PLSCR5: variants seen among roughly 807,000 people sequenced by gnomAD.
PLSCR5 encodes phospholipid scramblase family, member 5.
A neutral mutation model predicts 33.6 loss-of-function variants in PLSCR5; 44 were observed. The ratio of observed to expected loss-of-function variants is 1.31; its 90% confidence interval spans 1.03 to 1.69. The LOEUF (loss-of-function observed/expected upper bound fraction) is 1.69. PLSCR5 is among the 40% of genes most tolerant of loss of function. The pLI is 0.00. For missense variants in PLSCR5, 375 were observed against 318.7 expected (o/e 1.18, Z -1.34); for synonymous variants, 148 against 112.3 (o/e 1.32, Z -2.01).
At chr3:146,581,875 G>A (rs1177600919), downstream of PLSCR5, among the ~76,000 whole-genome samples, 3 of 152,126 alleles carry the variant, frequency 2.0e-5, no homozygotes, top group Non-Finnish European at 2.9e-5. Context: ...CACATTTTTA[G>A]GAACATCCTT....
intron 6 of PLSCR5, among the ~76,000 whole-genome samples, chr3:146,586,904 G>A (rs1454967548): frequency 1.3e-5 from 2 of 152,070 alleles, no homozygotes; most frequent in Non-Finnish European, 2.9e-5. Context: ...GGTAATACAT[G>A]TAAGAAATAG....
At chr3:146,578,038 G>A (rs1000903388) in intron 7 of PLSCR5, among the ~76,000 whole-genome samples, 8 of 151,756 alleles carry the variant, frequency 5.3e-5, no homozygotes, top group Admixed American at 1.3e-4. Context: ...AACATTCAAT[G>A]TACTTAAGAA....
chr3:146,589,853 A>G (rs1203869992), intron 5 of PLSCR5, 39 bp from the exon 6 acceptor site: 5 of 1,370,926 alleles, frequency 3.6e-6, no homozygotes, highest in African/African-American at 1.5e-5. Flanking sequence ...TTTGACAGTG[A>G]AAAAAGTTGG....
chr3:146,589,519 G>T, intron 6 of PLSCR5, 134 bp downstream of exon 6: 1 of 872,012 alleles, frequency 1.1e-6, no homozygotes, highest in Non-Finnish European at 1.6e-6. Flanking sequence ...AAGAACATTG[G>T]TCCTAAGCTA....
chr3:146,592,109 A>G (rs919925378), intron 4 of PLSCR5, among the ~76,000 whole-genome samples: 5 of 152,022 alleles, frequency 3.3e-5, no homozygotes, highest in African/African-American at 4.8e-5. Context: ...CTAAAAGTCT[A>G]TGTCTTATTT....
intron 3 of PLSCR5, 71 bp from the exon 4 acceptor site, chr3:146,594,211 A>G: frequency 9.1e-7 from 1 of 1,097,102 alleles, no homozygotes; most frequent in Non-Finnish European, 1.3e-6. Flanking sequence ...TAAAGGGGAG[A>G]TGTTATTAAA....
intron 4 of PLSCR5, 61 bp from the exon 5 acceptor site, chr3:146,591,942 A>G: frequency 7.3e-7 from 1 of 1,367,974 alleles, no homozygotes; most frequent in Non-Finnish European, 9.9e-7. Context: ...TAATTTTACT[A>G]TAATGTCAAT....
At chr3:146,599,277 T>C (rs536422133) in intron 2 of PLSCR5, among the ~76,000 whole-genome samples, 1 of 152,288 alleles carries the variant, frequency 6.6e-6, no homozygotes, top group African/African-American at 2.4e-5. Flanking sequence ...ATATGCTCTT[T>C]TAAGCAAATT....
chr3:146,577,770 T>C (rs2044608053), intron 7 of PLSCR5, among the ~76,000 whole-genome samples: 1 of 152,148 alleles, frequency 6.6e-6, no homozygotes, highest in African/African-American at 2.4e-5. Context: ...GTGTTTTATT[T>C]CCCAGATTAC....
At chr3:146,589,404 TGATGAATAG>T (rs1444633329) in intron 6 of PLSCR5, among the ~76,000 whole-genome samples, 1 of 152,058 alleles carries the variant, frequency 6.6e-6, no homozygotes, top group East Asian at 1.9e-4. Context: ...TTTAAAGAAA[TGATGAATAG>T]GATGTGATAA....
intron 6 of PLSCR5, among the ~76,000 whole-genome samples, chr3:146,588,012 A>C (rs72988643): frequency 0.29 from 43,363 of 151,862 alleles, 6,369 homozygotes; most frequent in African/African-American, 0.36. Flanking sequence ...TAATGTAAAC[A>C]ATCAGATTTA....
intron 2 of PLSCR5, among the ~76,000 whole-genome samples, chr3:146,596,725 T>G (rs2107856399): frequency 6.6e-6 from 1 of 152,298 alleles, no homozygotes; most frequent in East Asian, 1.9e-4. Context: ...TCAGAACATT[T>G]GAAGCTACAT....
downstream of PLSCR5, among the ~76,000 whole-genome samples, chr3:146,582,797 G>A (rs189951601): frequency 1.3e-5 from 2 of 152,274 alleles, no homozygotes; most frequent in East Asian, 1.9e-4. Context: ...CCATTATACT[G>A]CAGGTCACAA....
In PLSCR5 at chr3:146,600,285, C is replaced by G; in HGVS notation, c.189+3G>C. ...ATCTGTAGTAATAGAAAGATAAAAA[C>G]ACCTGGCTTAAATATTCTAGACCAG... is the stretch of plus-strand genomic sequence containing the variant. On this transcript the variant is annotated splice_donor_region_variant and intron_variant, in intron 2 of 7. Transcript: ENST00000443512. The G allele has an allele frequency of 6.4e-7, 1 of 1,554,256 alleles. No homozygotes were observed. Among genetic ancestry groups the G allele is most frequent in the South Asian group, 1.2e-5 (1 of 81,584 alleles).
At chr3:146,601,140 A>G (rs1047200744) in intron 1 of PLSCR5, among the ~76,000 whole-genome samples, 1 of 151,780 alleles carries the variant, frequency 6.6e-6, no homozygotes, top group African/African-American at 2.4e-5. Context: ...TCTGTTTTCT[A>G]TATTATTGCC....
At chr3:146,600,631 T>C (rs1238051018) in intron 1 of PLSCR5, among the ~76,000 whole-genome samples, 168 bp from the exon 2 acceptor site, 2 of 152,024 alleles carry the variant, frequency 1.3e-5, no homozygotes, top group African/African-American at 4.8e-5. Flanking sequence ...ACTTGTCCCC[T>C]AAGTTAGAAA....
chr3:146,601,502 A>G (rs1169994972), intron 1 of PLSCR5, among the ~76,000 whole-genome samples: 2 of 152,156 alleles, frequency 1.3e-5, no homozygotes, highest in Non-Finnish European at 2.9e-5. Context: ...AAGGTTTGTG[A>G]CAGGTATTTT....
chr3:146,592,220 T>G (rs2044721815), intron 4 of PLSCR5, among the ~76,000 whole-genome samples: 1 of 152,096 alleles, frequency 6.6e-6, no homozygotes, highest in African/African-American at 2.4e-5. Context: ...ACTGAAGCTG[T>G]TCCTATGTGG....
chr3:146,598,745 A>T (rs1216886695), intron 2 of PLSCR5, among the ~76,000 whole-genome samples: 1 of 152,198 alleles, frequency 6.6e-6, no homozygotes, highest in East Asian at 1.9e-4. Context: ...GCAGCAGTTA[A>T]TCAACTCTAG....
Sources: allele counts gnomAD v4.1 joint callset (sites outside exome capture counted in the v4.1 genomes callset), GRCh38; gene constraint gnomAD v4.1.1; transcripts MANE v1.5; gene names NCBI Gene and HGNC (gene_info 2026-07-23, HGNC 2026-07-21).